Variants in HECTD2 observed in about 807,000 individuals in gnomAD.
HECTD2 encodes probable E3 ubiquitin-protein ligase HECTD2.
HECTD2 carries 35 observed loss-of-function variants against 103.2 expected under a neutral mutation model. The observed-to-expected ratio is 0.34, with a 90% CI of 0.26 to 0.45. HECTD2 has a LOEUF of 0.45. Among genes scored for constraint, HECTD2 ranks in the 20% least tolerant of loss-of-function variants. The probability of loss-of-function intolerance (pLI) is 1.00; values close to 1 mark genes in which losing one functional copy is unlikely to be tolerated. For missense variants in HECTD2, 596 were observed against 937.4 expected, an observed-to-expected ratio of 0.64 and a Z score of 4.76; for synonymous variants, 281 against 329.9, an observed-to-expected ratio of 0.85 and a Z score of 1.61.
At chr10:91,480,020 G>A (rs1846036670) in intron 6 of HECTD2, among the ~76,000 whole-genome samples, 1 of 151,878 alleles carries the variant, frequency 6.6e-6, no homozygotes, top group Admixed American at 6.6e-5. Context: ...TAAGAAAATT[G>A]ACCTTTTTGT....
At chr10:91,451,249 T>A (rs1346782319) in intron 2 of HECTD2, among the ~76,000 whole-genome samples, 1 of 152,136 alleles carries the variant, frequency 6.6e-6, no homozygotes, top group East Asian at 1.9e-4. Context: ...GAAAGCATTA[T>A]TCTCAGCAAA....
chr10:91,505,540 T>A (rs1471114766), intron 20 of HECTD2, among the ~76,000 whole-genome samples: 2 of 151,668 alleles, frequency 1.3e-5, no homozygotes, highest in Non-Finnish European at 2.9e-5. Context: ...CATTACATAG[T>A]GGTAAAGGGA....
intron 5 of HECTD2, among the ~76,000 whole-genome samples, chr10:91,467,252 G>A (rs1028304028): frequency 1.9e-4 from 29 of 152,162 alleles, no homozygotes; most frequent in African/African-American, 7.0e-4. Flanking sequence ...AGCTGGCAGG[G>A]TGAACTGCTT....
chr10:91,458,420 A>G (rs1193560864), intron 2 of HECTD2, among the ~76,000 whole-genome samples: 1 of 152,014 alleles, frequency 6.6e-6, no homozygotes, highest in Non-Finnish European at 1.5e-5. Flanking sequence ...TGTTGTTGAT[A>G]TAGATAAGAT....
intron 8 of HECTD2, 57 bp from the exon 9 acceptor site, chr10:91,484,450 A>C: frequency 6.4e-7 from 1 of 1,557,310 alleles, no homozygotes; most frequent in Admixed American, 1.8e-5. Flanking sequence ...TCTAACAGAT[A>C]ATTTTGGAAA....
chr10:91,465,637 A>G (rs1389955846), intron 5 of HECTD2, among the ~76,000 whole-genome samples: 1 of 151,898 alleles, frequency 6.6e-6, no homozygotes, highest in Non-Finnish European at 1.5e-5. Flanking sequence ...AATTTTTATC[A>G]TGAATGGGTA....
At chr10:91,435,983 G>A (rs988557792) in intron 2 of HECTD2, among the ~76,000 whole-genome samples, 1 of 151,740 alleles carries the variant, frequency 6.6e-6, no homozygotes, top group Non-Finnish European at 1.5e-5. Flanking sequence ...CTGCTGTTAT[G>A]CCTTTAATTG....
intron 20 of HECTD2, among the ~76,000 whole-genome samples, chr10:91,505,572 ACTAT>A (rs1847122507): frequency 6.6e-6 from 1 of 151,198 alleles, no homozygotes; most frequent in South Asian, 2.1e-4. Flanking sequence ...AGAAGAGCTA[ACTAT>A]CCTAAATATA....
intron 15 of HECTD2, among the ~76,000 whole-genome samples, 187 bp from the exon 16 acceptor site, chr10:91,497,921 A>G (rs749467476): frequency 1.3e-5 from 2 of 152,178 alleles, no homozygotes; most frequent in Admixed American, 6.5e-5. Context: ...TAGTTTCCCC[A>G]TCTATGACCT....
chr10:91,422,528 G>A (rs1843398808), intron 1 of HECTD2, among the ~76,000 whole-genome samples: 1 of 152,080 alleles, frequency 6.6e-6, no homozygotes, highest in African/African-American at 2.4e-5. Context: ...AAATATACAA[G>A]TAAGCAAACT....
intron 15 of HECTD2, among the ~76,000 whole-genome samples, chr10:91,497,456 A>ATTTTTTTTT (rs34254753): frequency 1.3e-5 from 1 of 74,752 alleles, no homozygotes; most frequent in Admixed American, 2.3e-4. Context: ...ACACCTGGCT[A>ATTTTTTTTT]TTTTTTTTTT....
chr10:91,481,443 G>C (rs1277497392), intron 7 of HECTD2, among the ~76,000 whole-genome samples: 1 of 151,630 alleles, frequency 6.6e-6, no homozygotes, highest in Non-Finnish European at 1.5e-5. Flanking sequence ...GGAACAAACA[G>C]AATGGAAGCA....
At chr10:91,411,671 A>G (rs1347519878) in intron 1 of HECTD2, among the ~76,000 whole-genome samples, 1 of 152,232 alleles carries the variant, frequency 6.6e-6, no homozygotes, top group East Asian at 1.9e-4. Flanking sequence ...GGAAATTGTT[A>G]AAACAAGCTC....
chr10:91,460,864 A>C (rs1176605206), intron 3 of HECTD2, among the ~76,000 whole-genome samples: 1 of 152,184 alleles, frequency 6.6e-6, no homozygotes, highest in Non-Finnish European at 1.5e-5. Flanking sequence ...TTTTAGAAAT[A>C]AGAGTTCATT....
chr10:91,480,585 T>C (rs1052508191), intron 6 of HECTD2, among the ~76,000 whole-genome samples: 7 of 152,078 alleles, frequency 4.6e-5, no homozygotes, highest in Non-Finnish European at 1.0e-4. Context: ...TCTCATACTA[T>C]GAGAATTCAT....
At chr10:91,486,984 C>G (rs2133299160) in intron 10 of HECTD2, 1 of 152,370 alleles carries the variant, frequency 6.6e-6, no homozygotes, top group South Asian at 2.1e-4. Flanking sequence ...CAATCTAACT[C>G]CAGAAGTGTC....
At chr10:91,498,582 G>C (rs1199094432) in intron 16 of HECTD2, among the ~76,000 whole-genome samples, 6 of 152,184 alleles carry the variant, frequency 3.9e-5, no homozygotes, top group African/African-American at 1.4e-4. Context: ...GTGATCTGCA[G>C]AGCTCCAGGG....
In HECTD2 at chr10:91,483,374, A is replaced by T. The variant is rs192817962; in HGVS notation, c.821+298A>T. On this transcript the variant is annotated intron_variant, in intron 8 of 20. Transcript: ENST00000298068. The stretch of plus-strand genomic sequence containing the variant: ...TATTGGTTTTTTACGTATCTCAAAG[A>T]TGGTGACTGGATTTGCTCAGACACT... 2.0e-3 allele frequency among the ~76,000 whole-genome samples: 310 copies of T among 152,074 alleles called. 3 individuals are homozygous for T. The highest frequency in any genetic ancestry group is 3.5e-3 in the Non-Finnish European group (238 of 67,854).
chr10:91,481,621 A>G (rs1846088663), intron 7 of HECTD2, among the ~76,000 whole-genome samples: 1 of 151,732 alleles, frequency 6.6e-6, no homozygotes, highest in Non-Finnish European at 1.5e-5. Context: ...TTTGTTATAA[A>G]GCGAAGATAA....
Sources: allele counts gnomAD v4.1 joint callset (sites outside exome capture counted in the v4.1 genomes callset), GRCh38; gene constraint gnomAD v4.1.1; transcripts MANE v1.5; gene names NCBI Gene and HGNC (gene_info 2026-07-23, HGNC 2026-07-21).